TSHZ3: variants seen among roughly 807,000 people sequenced by gnomAD.
TSHZ3 encodes the protein teashirt zinc finger homeobox 3.
Under a neutral mutation model 64.5 loss-of-function variants are expected in TSHZ3, and 10 were observed. That is an observed-to-expected ratio of 0.16 (90% confidence interval 0.10 to 0.26). The LOEUF (loss-of-function observed/expected upper bound fraction) is 0.26. TSHZ3 is among the 10% of genes least tolerant of loss of function. The probability of loss-of-function intolerance (pLI) is 1.00; values close to 1 mark genes in which losing one functional copy is unlikely to be tolerated. For synonymous variants in TSHZ3, 608 were observed against 593.1 expected (o/e 1.03, Z -0.36); for missense variants, 1,242 against 1,421.7 (o/e 0.87, Z 2.03).
chr19:31,243,962 T>C (rs1975728633), intron 1 of TSHZ3, among the ~76,000 whole-genome samples: 1 of 152,200 alleles, frequency 6.6e-6, no homozygotes, highest in South Asian at 2.1e-4. Context: ...ACTTGAGCTT[T>C]AGGTATTAAG....
intron 1 of TSHZ3, among the ~76,000 whole-genome samples, chr19:31,331,813 G>A (rs185443299): frequency 2.6e-5 from 4 of 152,268 alleles, no homozygotes; most frequent in East Asian, 1.9e-4. Context: ...ACCAGAGCAC[G>A]CTGCACCTTC....
At chr19:31,339,104 CAT>C (rs1391950677) in intron 1 of TSHZ3, among the ~76,000 whole-genome samples, 1 of 152,000 alleles carries the variant, frequency 6.6e-6, no homozygotes, top group Non-Finnish European at 1.5e-5. Flanking sequence ...ACGTTTGAAT[CAT>C]GTGAAGTCAG....
intron 1 of TSHZ3, among the ~76,000 whole-genome samples, chr19:31,337,906 C>T (rs1390305315): frequency 1.3e-5 from 2 of 152,176 alleles, no homozygotes; most frequent in Admixed American, 6.5e-5. Flanking sequence ...ATTCTCATTT[C>T]TTTAGGTAGA....
chr19:31,215,874 A>C (rs1049630750), intron 4 of TSHZ3, among the ~76,000 whole-genome samples: 1 of 152,112 alleles, frequency 6.6e-6, no homozygotes, highest in African/African-American at 2.4e-5. Context: ...CTGTCTCAAA[A>C]AAAAAGGTAT....
At chr19:31,221,040 G>A (rs1975389582) in intron 4 of TSHZ3, among the ~76,000 whole-genome samples, 1 of 152,194 alleles carries the variant, frequency 6.6e-6, no homozygotes, top group Admixed American at 6.5e-5. Flanking sequence ...ACAAGACTAA[G>A]ATCAGAGATG....
chr19:31,327,211 G>A (rs1024408112), intron 1 of TSHZ3, among the ~76,000 whole-genome samples: 4 of 152,182 alleles, frequency 2.6e-5, no homozygotes, highest in Non-Finnish European at 4.4e-5. Flanking sequence ...GGATGTGTTC[G>A]ACCAATTCCC....
At chr19:31,151,487 T>C (rs1479131269) in exon 7 of TSHZ3, among the ~76,000 whole-genome samples, 2 of 152,170 alleles carry the variant, frequency 1.3e-5, no homozygotes, top group Non-Finnish European at 2.9e-5. Flanking sequence ...CCCAAAATTA[T>C]CAAAGAAATT....
chr19:31,168,526 C>G (rs538325789), intron 5 of TSHZ3, among the ~76,000 whole-genome samples: 1 of 152,326 alleles, frequency 6.6e-6, no homozygotes, highest in South Asian at 2.1e-4. Flanking sequence ...AGCAAAGCGC[C>G]TGAATTCCAC....
chr19:31,297,800 G>A (rs60411440), intron 1 of TSHZ3, among the ~76,000 whole-genome samples: 6 of 152,120 alleles, frequency 3.9e-5, no homozygotes, highest in African/African-American at 1.4e-4. Flanking sequence ...GAAACACACA[G>A]GCTTGGAGAG....
chr19:31,339,095 C>G (rs913863695), intron 1 of TSHZ3, among the ~76,000 whole-genome samples: 1 of 152,172 alleles, frequency 6.6e-6, no homozygotes, highest in African/African-American at 2.4e-5. Context: ...CAATAACGCA[C>G]GTTTGAATCA....
At chr19:31,242,937 G>T (rs1212013514) in intron 1 of TSHZ3, among the ~76,000 whole-genome samples, 1 of 152,132 alleles carries the variant, frequency 6.6e-6, no homozygotes, top group African/African-American at 2.4e-5. Flanking sequence ...TGGGACCCCA[G>T]CAGATTGGAT....
intron 1 of TSHZ3, among the ~76,000 whole-genome samples, chr19:31,304,917 T>TA (rs1465653056): frequency 6.6e-6 from 1 of 152,228 alleles, no homozygotes; most frequent in African/African-American, 2.4e-5. Flanking sequence ...ACAGCAACTG[T>TA]AATAAGGGGT....
exon 7 of TSHZ3, among the ~76,000 whole-genome samples, chr19:31,151,057 A>T (rs1230788184): frequency 6.6e-6 from 1 of 152,210 alleles, no homozygotes; most frequent in East Asian, 1.9e-4. Flanking sequence ...CTTCAGAAAG[A>T]GGAGGTATCC....
chr19:31,297,302 G>T (rs1006797313), intron 1 of TSHZ3, among the ~76,000 whole-genome samples: 1 of 152,204 alleles, frequency 6.6e-6, no homozygotes, highest in African/African-American at 2.4e-5. Flanking sequence ...AGGCGTCTGT[G>T]TGGCAGGCAG....
In TSHZ3 at chr19:31,184,573, ATATTT is replaced by A. The variant is rs545140825; in HGVS notation, n.809+20378_809+20382del. ...TTATTTTTATCTTCAGCCAATGCAT[ATATTT>A]TTACTTGTGTGAATAATAGGGGAAA... On this transcript the variant is annotated intron_variant and non_coding_transcript_variant, in intron 5 of 6. Coordinates refer to the TSHZ3 transcript ENST00000651361. Among the ~76,000 whole-genome samples, 372 of 152,258 alleles carry A rather than the reference ATATTT, an allele frequency of 2.4e-3. 5 individuals are homozygous for A. The highest frequency in any genetic ancestry group is 8.7e-3 in the African/African-American group (361 of 41,560).
intron 4 of TSHZ3, among the ~76,000 whole-genome samples, chr19:31,211,825 C>G (rs559548681): frequency 6.6e-6 from 1 of 152,132 alleles, no homozygotes; most frequent in East Asian, 1.9e-4. Context: ...GGACCCTGAG[C>G]ACTGGAAGAC....
chr19:31,163,226 G>T (rs1974392522), intron 5 of TSHZ3, among the ~76,000 whole-genome samples: 1 of 152,286 alleles, frequency 6.6e-6, no homozygotes, highest in Middle Eastern at 3.4e-3. Flanking sequence ...TGGGTAGATG[G>T]GTGGGAGGGT....
intron 1 of TSHZ3, among the ~76,000 whole-genome samples, chr19:31,265,818 C>T (rs911596153): frequency 2.0e-5 from 3 of 152,188 alleles, no homozygotes; most frequent in African/African-American, 4.8e-5. Flanking sequence ...GGGAAAAGTG[C>T]CTGAGTCCAA....
chr19:31,328,569 G>A lies in TSHZ3; in HGVS notation c.40+20611C>T, dbSNP rs10418130. The stretch of plus-strand genomic sequence containing the variant: ...AGCATTAGCTGGTACCAAAACAGAA[G>A]TTCTGAGAACATCTTATTCAAGGAA... On this transcript the variant is annotated intron_variant, in intron 1 of 1. Transcript: ENST00000240587. 2.8e-3 allele frequency among the ~76,000 whole-genome samples: 425 copies of A among 152,354 alleles called. 2 individuals carry two copies. The highest frequency in any genetic ancestry group is 9.7e-3 in the African/African-American group (404 of 41,586).
Sources: gnomAD v4.1 joint callset for allele counts (sites outside exome capture counted in the v4.1 genomes callset) on GRCh38, gnomAD v4.1.1 for gene constraint, MANE v1.5 for transcripts, NCBI Gene and HGNC (gene_info 2026-07-23, HGNC 2026-07-21) for gene names.